MAST4: variants seen among roughly 807,000 people sequenced by gnomAD.
The protein encoded by MAST4 is microtubule associated serine/threonine kinase family member 4, also known as microtubule-associated serine/threonine-protein kinase 4.
In MAST4, 89 loss-of-function variants were observed where a neutral mutation model predicts 162.7. That is an observed-to-expected ratio of 0.55 (90% CI 0.46 to 0.65). The LOEUF is 0.65. MAST4 is among the 30% of genes least tolerant of loss of function. The pLI, the probability that MAST4 is intolerant of heterozygous loss-of-function variation, is 0.00. For missense variants in MAST4, 3,153 were observed against 3,374.0 expected (o/e 0.93, Z 1.62); for synonymous variants, 1,479 against 1,361.1 (o/e 1.09, Z -1.91).
rs749974826 is a variant in MAST4, at chr5:66,759,867, G to A, written c.517+5G>A. 4.3e-6 allele frequency: 7 copies of A among 1,613,658 alleles called. No individual in the cohort carries two copies. The highest frequency in any genetic ancestry group is 2.2e-5 in the South Asian group (2 of 91,046). ...GCCTGGGAGGAGCCCTGACTGGTGA[G>A]TCGCAGCGGCTTGGATGAGAGAAGG... On this transcript the variant is annotated splice_donor_5th_base_variant and intron_variant, in intron 2 of 28. Transcript: ENST00000403625.
Position 67,100,526 on chromosome 5 carries a change from C to T in MAST4, c.1004C>T (p.Thr335Ile). Residue 335 changes from threonine (T) to isoleucine (I), a missense_variant, in exon 8 of 29, where the codon ACC becomes ATC. Around this residue, in one of 7 missense-constraint regions of MAST4, gnomAD observed 360 missense variants for 450.0 expected, o/e 0.80. Transcript: ENST00000403625. Reference sequence around the variant, plus strand: ...TTCTTATCAAAACATTTCTGTACCACCGAAAGCATCGCCACTGAGAACAGA... The same window carrying T: ...TTCTTATCAAAACATTTCTGTACCATCGAAAGCATCGCCACTGAGAACAGA... ...LHFLSKHFCT[T>I]ESIATENRCR... The T allele has an allele frequency of 6.2e-7, 1 of 1,613,952 alleles. No individual in the cohort carries two copies. Among genetic ancestry groups the T allele is most frequent in the Non-Finnish European group, 8.5e-7 (1 of 1,179,854 alleles).
chr5:66,770,702 G>GT (rs1754320718), intron 2 of MAST4, among the ~76,000 whole-genome samples: 1 of 152,238 alleles, frequency 6.6e-6, no homozygotes, highest in Non-Finnish European at 1.5e-5. Context: ...CCCGGGGCAG[G>GT]TGAGAGACTG....
intron 1 of MAST4, among the ~76,000 whole-genome samples, chr5:66,669,305 C>A (rs1747463695): frequency 6.6e-6 from 1 of 152,152 alleles, no homozygotes; most frequent in South Asian, 2.1e-4. Context: ...AGAGTGGGCG[C>A]TCCTGGTGGA....
At chr5:66,705,415 TAAAAA>T (rs1470758536) in intron 1 of MAST4, among the ~76,000 whole-genome samples, 2 of 152,156 alleles carry the variant, frequency 1.3e-5, no homozygotes. Flanking sequence ...TTTTTAAAGA[TAAAAA>T]CAAAAGATAT....
chr5:66,611,824 G>A (rs1743307763), intron 1 of MAST4, among the ~76,000 whole-genome samples: 1 of 152,148 alleles, frequency 6.6e-6, no homozygotes, highest in Non-Finnish European at 1.5e-5. Flanking sequence ...GACATCTGAA[G>A]GTGTATATTT....
At chr5:66,625,415 G>C (rs1350742550) in intron 1 of MAST4, among the ~76,000 whole-genome samples, 4 of 152,178 alleles carry the variant, frequency 2.6e-5, no homozygotes. Context: ...AACCCTTGTT[G>C]AGTAAAAATA....
rs541280124 is a variant in MAST4 at position 66,901,764 on chromosome 5, T to C, written c.674+1782T>C. Among the ~76,000 whole-genome samples the C allele has an allele frequency of 4.6e-5, 7 of 152,200 alleles. No homozygotes were observed. The East Asian group carries it at 1.4e-3, about 29-fold the overall frequency. On this transcript the variant is annotated intron_variant, in intron 4 of 28. Coordinates refer to ENST00000403625, the MANE Select transcript of MAST4 (RefSeq NM_001164664.2). ...AGGTAAACCAAAAATAAACATGCTATTTTGTATTTTCTATTAAGCACAAAT... is the reference window on the plus strand; with the variant it reads ...AGGTAAACCAAAAATAAACATGCTACTTTGTATTTTCTATTAAGCACAAAT...
intron 4 of MAST4, among the ~76,000 whole-genome samples, chr5:66,907,158 CGAGAGAGAGAGA>C (rs34963439): frequency 0.13 from 13,384 of 104,318 alleles, 737 homozygotes; most frequent in South Asian, 0.17. Context: ...CTCAGCAAAG[CGAGAGAGAGAGA>C]GAGAGAGAGA....
intron 1 of MAST4, among the ~76,000 whole-genome samples, chr5:66,741,294 T>C (rs1228634887): frequency 6.6e-6 from 1 of 152,216 alleles, no homozygotes; most frequent in Non-Finnish European, 1.5e-5. Context: ...ACAGACCTTA[T>C]TACCACCTGA....
intron 4 of MAST4, among the ~76,000 whole-genome samples, chr5:67,052,463 T>A (rs58007235): frequency 1.3e-5 from 2 of 152,138 alleles, no homozygotes; most frequent in Non-Finnish European, 2.9e-5. Context: ...TTTCATTTTT[T>A]AAAAAATCTA....
chr5:66,648,026 GTTAGGTAA>G (rs1745958708), intron 1 of MAST4, among the ~76,000 whole-genome samples: 1 of 147,458 alleles, frequency 6.8e-6, no homozygotes, highest in Non-Finnish European at 1.5e-5. Context: ...GCCTGTGTGT[GTTAGGTAA>G]TGTGTGTGTG....
chr5:67,026,460 G>A (rs1232663357), intron 4 of MAST4, among the ~76,000 whole-genome samples: 1 of 152,196 alleles, frequency 6.6e-6, no homozygotes, highest in Non-Finnish European at 1.5e-5. Flanking sequence ...AGAGCAAAGT[G>A]CAGAGATTGA....
chr5:66,596,939 T>TGCC lies in MAST4; in HGVS notation c.293_295dup (p.Pro98dup), dbSNP rs200514960. 0.2 allele frequency: 280,646 copies of TGCC among 1,380,104 alleles called. 30,089 individuals are homozygous for TGCC. Among genetic ancestry groups the TGCC allele is most frequent in the Admixed American group, 0.24 (7,418 of 30,880 alleles). The allele number at this position is 1,380,104 out of a possible 1,614,324, so 85.5% of individuals were successfully genotyped here. A position where few individuals can be genotyped will look rare whatever the true frequency, so the allele number is the denominator to read the frequency against. ...CTGCTGGAGCGCGGAGTCCTTGCGCTGCCGCCGCCGCTTCCCGGAGGAGCT... is the reference window on the plus strand; with the variant it reads ...CTGCTGGAGCGCGGAGTCCTTGCGCTGCCGCCGCCGCCGCTTCCCGGAGGAGCT... On this transcript the variant is annotated inframe_insertion, in exon 1 of 29. Transcript: ENST00000403625.
chr5:67,086,474 C>T (rs1162284633), intron 5 of MAST4, among the ~76,000 whole-genome samples: 1 of 152,202 alleles, frequency 6.6e-6, no homozygotes, highest in Non-Finnish European at 1.5e-5. Context: ...TTTTCCTACA[C>T]TGTTTATGTA....
chr5:66,921,477 C>T (rs529045188), intron 4 of MAST4, among the ~76,000 whole-genome samples: 1 of 152,206 alleles, frequency 6.6e-6, no homozygotes, highest in African/African-American at 2.4e-5. Context: ...AAAACTGCGG[C>T]CAGGCATGGT....
intron 14 of MAST4, among the ~76,000 whole-genome samples, chr5:67,126,790 G>A (rs1768289119): frequency 6.6e-6 from 1 of 152,138 alleles, no homozygotes; most frequent in South Asian, 2.1e-4. Context: ...AAAAGTCAGT[G>A]GCAGCTTGAT....
intron 1 of MAST4, among the ~76,000 whole-genome samples, chr5:66,711,522 TC>T (rs1245086250): frequency 1.3e-5 from 2 of 152,172 alleles, no homozygotes; most frequent in Non-Finnish European, 2.9e-5. Flanking sequence ...CATCAACTCT[TC>T]CTGCCTCCTC....
chr5:66,678,453 A>G (rs1748099550), intron 1 of MAST4, among the ~76,000 whole-genome samples: 2 of 152,070 alleles, frequency 1.3e-5, no homozygotes, highest in Non-Finnish European at 2.9e-5. Flanking sequence ...AAGTATGTTC[A>G]TTAGCTTGAG....
chr5:66,822,436 G>A (rs1580537759), intron 3 of MAST4, among the ~76,000 whole-genome samples: 1 of 152,224 alleles, frequency 6.6e-6, no homozygotes, highest in East Asian at 1.9e-4. Flanking sequence ...AATGGAAAGG[G>A]TGCTCTTGGT....
Sources: gnomAD v4.1 joint callset for allele counts (sites outside exome capture counted in the v4.1 genomes callset) on GRCh38, gnomAD v4.1.1 for gene constraint, gnomAD v4.1.1 regional missense constraint, MANE v1.5 for transcripts, NCBI Gene and HGNC (gene_info 2026-07-23, HGNC 2026-07-21) for gene names.